The following SATB2 variants were observed in gnomAD, a reference collection of about 807,000 sequenced individuals.
SATB2 encodes the protein SATB homeobox 2.
In SATB2, 1 loss-of-function variant was observed where a neutral mutation model predicts 73.4. The observed-to-expected ratio is 0.01, with a 90% CI of 0.00 to 0.06. SATB2 has a LOEUF of 0.06. Ranked by LOEUF, SATB2 falls within the 10% of genes least tolerant of loss-of-function variation. The pLI is 1.00. For missense variants in SATB2, 459 were observed against 945.8 expected (o/e 0.49, Z 6.75); for synonymous variants, 397 against 367.0 (o/e 1.08, Z -0.93).
chr2:199,294,734 A>C (rs16831231), intron 10 of SATB2, among the ~76,000 whole-genome samples: 3,484 of 152,314 alleles, frequency 0.023, 141 homozygotes, highest in African/African-American at 0.078. Context: ...ATACTTAAAA[A>C]AAATCATTGC....
chr2:199,456,963 G>C (rs1352045707), intron 1 of SATB2, among the ~76,000 whole-genome samples: 2 of 123,476 alleles, frequency 1.6e-5, no homozygotes, highest in Non-Finnish European at 3.7e-5. Context: ...CGACACCCCT[G>C]GATTGGGGGG....
intron 9 of SATB2, among the ~76,000 whole-genome samples, chr2:199,312,270 A>G (rs552237951): frequency 5.3e-5 from 8 of 152,340 alleles, no homozygotes; most frequent in Admixed American, 5.2e-4. Context: ...ACAGAAGTTC[A>G]TCTGGTTTCC....
chr2:199,275,571 T>C (rs1009511459), intron 10 of SATB2, among the ~76,000 whole-genome samples: 1 of 152,042 alleles, frequency 6.6e-6, no homozygotes, highest in African/African-American at 2.4e-5. Flanking sequence ...ATTACAAACA[T>C]GGGGAGTTGT....
intron 9 of SATB2, among the ~76,000 whole-genome samples, chr2:199,322,908 T>C (rs1406851019): frequency 6.6e-6 from 1 of 152,074 alleles, no homozygotes; most frequent in Non-Finnish European, 1.5e-5. Flanking sequence ...GATGAAAACA[T>C]TTGTCATATA....
At chr2:199,280,080 G>C (rs1467601366) in intron 10 of SATB2, among the ~76,000 whole-genome samples, 2 of 152,234 alleles carry the variant, frequency 1.3e-5, no homozygotes, top group Non-Finnish European at 2.9e-5. Flanking sequence ...ACTGGCTGAA[G>C]CCATGGCAGA....
intron 10 of SATB2, among the ~76,000 whole-genome samples, chr2:199,299,678 G>A (rs1687224152): frequency 6.6e-6 from 1 of 151,736 alleles, no homozygotes; most frequent in Admixed American, 6.6e-5. Flanking sequence ...AATAACACTT[G>A]GCATATTCAA....
At chr2:199,328,097 A>G (rs1688080736) in intron 8 of SATB2, among the ~76,000 whole-genome samples, 1 of 152,168 alleles carries the variant, frequency 6.6e-6, no homozygotes, top group Non-Finnish European at 1.5e-5. Flanking sequence ...TAAACATCCT[A>G]GAGCCCGCCC....
rs375274621 is a variant in SATB2, at chr2:199,350,543, G to A, written c.701-1370C>T. Among the ~76,000 whole-genome samples the A allele has an allele frequency of 1.4e-4, 21 of 152,242 alleles. No individual in the cohort carries two copies. The East Asian group carries it at 3.7e-3, about 27-fold the overall frequency. On this transcript the variant is annotated intron_variant, in intron 6 of 10. Transcript: ENST00000417098. ...TCTAAATTAATACTTCATGTAATAT[G>A]TGACTTTAAAAATGTATATGTGGAA...
chr2:199,404,334 CA>C (rs1690571214), intron 3 of SATB2, among the ~76,000 whole-genome samples: 1 of 152,120 alleles, frequency 6.6e-6, no homozygotes, highest in Non-Finnish European at 1.5e-5. Context: ...ATTATGTTAA[CA>C]GATAGAAGAA....
Position 199,464,274 on chromosome 2 carries a change from C to G in SATB2, c.-141+562G>C, listed in dbSNP as rs1183517586. ...TTCCCTCCCCGCCCTACAGCCAAGCCCAGAGGAACAGGGCATCGCCTCGCG... is the reference window on the plus strand; with the variant it reads ...TTCCCTCCCCGCCCTACAGCCAAGCGCAGAGGAACAGGGCATCGCCTCGCG... On this transcript the variant is annotated intron_variant, in intron 1 of 11. Coordinates refer to the SATB2 transcript ENST00000260926. This position sits in a 1 kb window ranked among gnomAD's most constrained non-coding sequence, Gnocchi z 6.6. Among the ~76,000 whole-genome samples the G allele has an allele frequency of 6.6e-6, 1 of 152,172 alleles. No homozygotes were observed. The highest frequency in any genetic ancestry group is 1.5e-5 in the Non-Finnish European group (1 of 68,032).
At chr2:199,355,352 A>ATATATATATC (rs1558999276) in intron 6 of SATB2, among the ~76,000 whole-genome samples, 1 of 13,466 alleles carries the variant, frequency 7.4e-5, no homozygotes, top group African/African-American at 9.7e-5. Context: ...GTGTATCTAT[A>ATATATATATC]TATATATATA....
chr2:199,342,426 TAA>T (rs532281689), intron 7 of SATB2, among the ~76,000 whole-genome samples: 18 of 122,360 alleles, frequency 1.5e-4, no homozygotes, highest in Non-Finnish European at 8.8e-5. Context: ...AAAGACTAGC[TAA>T]AAAAAAAAAA....
intron 9 of SATB2, among the ~76,000 whole-genome samples, chr2:199,319,581 G>C (rs1286316910): frequency 3.3e-5 from 5 of 151,900 alleles, no homozygotes; most frequent in Non-Finnish European, 5.9e-5. Context: ...GGAAGTTTTT[G>C]TTCATTGGTT....
At chr2:199,444,149 T>C (rs748653581) in intron 2 of SATB2, among the ~76,000 whole-genome samples, 1 of 151,948 alleles carries the variant, frequency 6.6e-6, no homozygotes, top group Non-Finnish European at 1.5e-5. Flanking sequence ...ATTTCCAAAA[T>C]AAAATATTAA....
Position 199,463,736 on chromosome 2 carries a change from G to T in SATB2, c.-141+1100C>A, listed in dbSNP as rs1692532049. Among the ~76,000 whole-genome samples the T allele has an allele frequency of 6.6e-6, 1 of 152,196 alleles. No homozygotes were observed. On this transcript the variant is annotated intron_variant, in intron 1 of 11. Coordinates refer to the SATB2 transcript ENST00000260926. The surrounding 1 kb of genome is among the most constrained non-coding windows in gnomAD (Gnocchi z 6.4). The stretch of plus-strand genomic sequence containing the variant: ...CCACTCAACACAAAAACGCCCTGGC[G>T]CGTGCAAAATACGAACGCCCACAGT...
chr2:199,459,228 G>A (rs905450365), upstream of SATB2, among the ~76,000 whole-genome samples: 7 of 151,962 alleles, frequency 4.6e-5, no homozygotes, highest in African/African-American at 1.4e-4. The surrounding 1 kb of genome is among the most constrained non-coding windows in gnomAD (Gnocchi z 4.2). Context: ...GTGCCCTGAG[G>A]ACCCGGCCTC....
Position 199,381,786 on chromosome 2 carries a change from G to A in SATB2, c.381C>T (p.Pro127=), listed in dbSNP as rs746473092. The A allele has an allele frequency of 8.7e-6, 14 of 1,613,840 alleles. No individual in the cohort carries two copies. The South Asian group carries it at 1.2e-4, about 14-fold the overall frequency. The change falls in exon 4 of 11, where the codon CCC becomes CCT. Residue 127 remains proline, a synonymous_variant. Transcript: ENST00000417098. Reference sequence around the variant, plus strand: ...CGGGTGCATCTGTCACATAACTGAGGGGGAGAGGGTTCCACCTTCCCAGCT... The same window carrying A: ...CGGGTGCATCTGTCACATAACTGAGAGGGAGAGGGTTCCACCTTCCCAGCT... ...IIKLGRWNPL[P]LSYVTDAPDA...
chr2:199,327,960 G>T (rs552395528), intron 8 of SATB2, among the ~76,000 whole-genome samples: 2 of 152,154 alleles, frequency 1.3e-5, no homozygotes, highest in African/African-American at 4.8e-5. Context: ...TCTGCCCCCT[G>T]CCCTCAGCCA....
intron 7 of SATB2, chr2:199,329,253 T>C: frequency 3.2e-6 from 1 of 310,832 alleles, no homozygotes; most frequent in South Asian, 3.7e-5. Context: ...GTTAGAACTC[T>C]CTCTGCTTGA....
Sources: allele counts gnomAD v4.1 joint callset (sites outside exome capture counted in the v4.1 genomes callset), GRCh38; gene constraint gnomAD v4.1.1; non-coding constraint Gnocchi (gnomAD v3.1); transcripts MANE v1.5; gene names NCBI Gene and HGNC (gene_info 2026-07-23, HGNC 2026-07-21).